UBE2QL1: variants seen among roughly 807,000 people sequenced by gnomAD.
UBE2QL1 encodes the protein ubiquitin-conjugating enzyme E2Q-like protein 1.
In UBE2QL1, 5 loss-of-function variants were observed where a neutral mutation model predicts 12.6. The observed-to-expected ratio is 0.40, with a 90% CI of 0.21 to 0.83. UBE2QL1 has a LOEUF of 0.83. Among genes scored for constraint, UBE2QL1 ranks in the 40% least tolerant of loss-of-function variants. The pLI, the probability that UBE2QL1 is intolerant of heterozygous loss-of-function variation, is 0.37. For missense variants in UBE2QL1, 99 were observed against 222.6 expected (o/e 0.44, Z 3.53); for synonymous variants, 96 against 94.5 (o/e 1.02, Z -0.10).
At chr5:6,452,762 A>G (rs575956713) in intron 1 of UBE2QL1, among the ~76,000 whole-genome samples, 11 of 152,326 alleles carry the variant, frequency 7.2e-5, no homozygotes, top group African/African-American at 2.4e-4. Context: ...AATGCTGGCC[A>G]TGAAGAGTGC....
intron 1 of UBE2QL1, among the ~76,000 whole-genome samples, chr5:6,463,843 G>A (rs1468820948): frequency 6.6e-6 from 1 of 151,950 alleles, no homozygotes; most frequent in Admixed American, 6.6e-5. Context: ...TAGCCAAGAT[G>A]ATGTCGATCT....
intron 1 of UBE2QL1, among the ~76,000 whole-genome samples, chr5:6,458,528 A>G (rs1739582313): frequency 6.6e-6 from 1 of 152,238 alleles, no homozygotes; most frequent in Admixed American, 6.5e-5. Context: ...TTATTAAACC[A>G]ATTATTTTTG....
intron 1 of UBE2QL1, among the ~76,000 whole-genome samples, chr5:6,449,573 C>T (rs1400307991): frequency 6.6e-6 from 1 of 152,098 alleles, no homozygotes; most frequent in African/African-American, 2.4e-5. Context: ...AGTTCTCTTC[C>T]ATCCCTCTTC....
chr5:6,474,275 G>T (rs1312151996), intron 1 of UBE2QL1, among the ~76,000 whole-genome samples: 2 of 152,256 alleles, frequency 1.3e-5, no homozygotes, highest in South Asian at 2.1e-4. Flanking sequence ...GTGCTTAGGA[G>T]GTTAACAACC....
At chr5:6,465,621 G>C (rs534102613) in intron 1 of UBE2QL1, among the ~76,000 whole-genome samples, 1 of 152,132 alleles carries the variant, frequency 6.6e-6, no homozygotes, top group South Asian at 2.1e-4. Flanking sequence ...ACTCTTGGGG[G>C]GGCTCTGGGA....
At position 6,486,673 on chromosome 5, in the gene UBE2QL1, A is replaced by G. The variant is rs562886576; in HGVS notation, c.355-4545A>G. 2.6e-5 allele frequency among the ~76,000 whole-genome samples: 4 copies of G among 152,350 alleles called. No individual in the cohort carries two copies. In the East Asian group the frequency reaches 5.8e-4, roughly 22 times the overall value. On this transcript the variant is annotated intron_variant, in intron 1 of 1. Transcript: ENST00000399816. The stretch of plus-strand genomic sequence containing the variant: ...CCCGGTCACCAGCACAGTTCCTGAC[A>G]CAGGGAAGACCTGCAGCAATCGTCT...
chr5:6,453,842 C>T, intron 1 of UBE2QL1, among the ~76,000 whole-genome samples: 1 of 152,150 alleles, frequency 6.6e-6, no homozygotes, highest in South Asian at 2.1e-4. Context: ...GATGAACAGC[C>T]TGTTGGGCTC....
chr5:6,463,488 CT>C (rs1739717247), intron 1 of UBE2QL1, among the ~76,000 whole-genome samples: 1 of 151,928 alleles, frequency 6.6e-6, no homozygotes, highest in African/African-American at 2.4e-5. Context: ...TGCAAACGCC[CT>C]TGATTTTTTG....
intron 1 of UBE2QL1, among the ~76,000 whole-genome samples, chr5:6,485,087 AAC>A (rs1419874605): frequency 6.6e-6 from 1 of 152,056 alleles, no homozygotes; most frequent in South Asian, 2.1e-4. Context: ...AGTACCCACA[AAC>A]ACACAAATGA....
At position 6,495,463 on chromosome 5, in the gene UBE2QL1, G is replaced by C. The variant is rs984535637; in HGVS notation, c.*4114G>C. ...AGGAGGCGAGCCCAGAGACTTTGAGGGGCTTGTCCACAGTAGGACAGGAGC... is the reference window on the plus strand; with the variant it reads ...AGGAGGCGAGCCCAGAGACTTTGAGCGGCTTGTCCACAGTAGGACAGGAGC... On this transcript the variant is annotated 3_prime_UTR_variant, in exon 2 of 2. Coordinates refer to ENST00000399816, the MANE Select transcript of UBE2QL1 (RefSeq NM_001145161.3). 6.6e-6 allele frequency among the ~76,000 whole-genome samples: 1 copy of C among 152,126 alleles called. No homozygotes were observed. Among genetic ancestry groups the C allele is most frequent in the Non-Finnish European group, 1.5e-5 (1 of 68,022 alleles).
intron 1 of UBE2QL1, among the ~76,000 whole-genome samples, chr5:6,474,323 A>C (rs1229363685): frequency 1.3e-5 from 2 of 152,340 alleles, no homozygotes; most frequent in African/African-American, 4.8e-5. Flanking sequence ...GGCATGCTAT[A>C]GCCGGAGAAG....
At position 6,478,015 on chromosome 5, in the gene UBE2QL1, G is replaced by A. The variant is rs1439256502; in HGVS notation, c.355-13203G>A. 1.3e-5 allele frequency among the ~76,000 whole-genome samples: 2 copies of A among 152,124 alleles called. No homozygotes were observed. Among genetic ancestry groups the A allele is most frequent in the South Asian group, 2.1e-4 (1 of 4,830 alleles). ...CATAAATTAAATCTCACATCTTTAT[G>A]AGCACAATTCCTTCTTTTAAAAATC... On this transcript the variant is annotated intron_variant, in intron 1 of 1. Transcript: ENST00000399816. This position sits in a 1 kb window ranked among gnomAD's most constrained non-coding sequence, Gnocchi z 4.5.
At chr5:6,467,961 A>G (rs1272720993) in intron 1 of UBE2QL1, among the ~76,000 whole-genome samples, 1 of 152,028 alleles carries the variant, frequency 6.6e-6, no homozygotes, top group African/African-American at 2.4e-5. Flanking sequence ...CTCCGCCTTC[A>G]GGATTCTTCC....
At chr5:6,461,222 T>C (rs186518163) in intron 1 of UBE2QL1, among the ~76,000 whole-genome samples, 2 of 152,330 alleles carry the variant, frequency 1.3e-5, no homozygotes, top group Non-Finnish European at 1.5e-5. Context: ...TACCAATGCC[T>C]GCTTCACATT....
intron 1 of UBE2QL1, among the ~76,000 whole-genome samples, chr5:6,473,414 G>A (rs376375026): frequency 1.3e-5 from 2 of 152,292 alleles, no homozygotes; most frequent in African/African-American, 4.8e-5. Flanking sequence ...GTGACAGCAG[G>A]GTGAGGGGAG....
At chr5:6,464,896 A>G (rs1448968184) in intron 1 of UBE2QL1, among the ~76,000 whole-genome samples, 1 of 152,210 alleles carries the variant, frequency 6.6e-6, no homozygotes, top group Non-Finnish European at 1.5e-5. Context: ...CTACAATTCA[A>G]TGGATTACCA....
intron 1 of UBE2QL1, among the ~76,000 whole-genome samples, chr5:6,460,885 A>C (rs955253598): frequency 6.6e-6 from 1 of 152,150 alleles, no homozygotes; most frequent in Non-Finnish European, 1.5e-5. Flanking sequence ...CCACTTGAAA[A>C]CTTCTTGGCT....
intron 1 of UBE2QL1, among the ~76,000 whole-genome samples, chr5:6,465,570 G>T (rs547355372): frequency 0.011 from 1,602 of 152,306 alleles, 19 homozygotes; most frequent in Non-Finnish European, 0.017. Context: ...ACTCCCCAGT[G>T]CCTGGGGGTG....
At chr5:6,489,706 C>T (rs1734530122) in intron 1 of UBE2QL1, among the ~76,000 whole-genome samples, 1 of 152,256 alleles carries the variant, frequency 6.6e-6, no homozygotes, top group Non-Finnish European at 1.5e-5. Context: ...GATTTAGAGG[C>T]CATTGCAGCT....
Sources: allele counts gnomAD v4.1 joint callset (sites outside exome capture counted in the v4.1 genomes callset), GRCh38; gene constraint gnomAD v4.1.1; non-coding constraint Gnocchi (gnomAD v3.1); transcripts MANE v1.5; gene names NCBI Gene and HGNC (gene_info 2026-07-23, HGNC 2026-07-21).